Variants in CTNND2 observed in about 807,000 individuals in gnomAD.
The protein encoded by CTNND2 is catenin delta-2.
In CTNND2, 22 loss-of-function variants were observed where a neutral mutation model predicts 144.4. The ratio of observed to expected loss-of-function variants is 0.15; its 90% CI spans 0.11 to 0.22. CTNND2 has a LOEUF of 0.22. Ranked by LOEUF, CTNND2 falls within the 10% of genes least tolerant of loss-of-function variation. The pLI is 1.00. For missense variants in CTNND2, 1,353 were observed against 1,618.8 expected, an observed-to-expected ratio of 0.84 and a Z score of 2.82; for synonymous variants, 751 against 695.6, an observed-to-expected ratio of 1.08 and a Z score of -1.25.
chr5:11,193,012 C>A (rs764061683), intron 11 of CTNND2, among the ~76,000 whole-genome samples: 1 of 152,118 alleles, frequency 6.6e-6, no homozygotes, highest in Non-Finnish European at 1.5e-5. Flanking sequence ...CACCTTTGAA[C>A]AGTGAGAGGA....
At chr5:11,864,209 C>T (rs1795632746) in intron 1 of CTNND2, among the ~76,000 whole-genome samples, 1 of 152,088 alleles carries the variant, frequency 6.6e-6, no homozygotes, top group Non-Finnish European at 1.5e-5. Flanking sequence ...CTTGACCAAC[C>T]TCCGCTGCCT....
intron 1 of CTNND2, among the ~76,000 whole-genome samples, chr5:11,821,676 A>T (rs1793321361): frequency 6.6e-6 from 1 of 152,188 alleles, no homozygotes; most frequent in Admixed American, 6.5e-5. Flanking sequence ...CATGTTCCCC[A>T]CTGTAAATCA....
chr5:11,123,842 G>C (rs1754383778), intron 12 of CTNND2, among the ~76,000 whole-genome samples: 1 of 152,192 alleles, frequency 6.6e-6, no homozygotes, highest in Admixed American at 6.5e-5. Context: ...GAAGCCATGT[G>C]GCTGTCTGCC....
At chr5:11,549,708 G>A (rs919190224) in intron 3 of CTNND2, among the ~76,000 whole-genome samples, 2 of 152,210 alleles carry the variant, frequency 1.3e-5, no homozygotes, top group African/African-American at 4.8e-5. Flanking sequence ...CCCCAAAATT[G>A]TAGGGACCTT....
intron 9 of CTNND2, among the ~76,000 whole-genome samples, chr5:11,319,800 C>T (rs1371700517): frequency 6.6e-6 from 1 of 152,178 alleles, no homozygotes; most frequent in African/African-American, 2.4e-5. Flanking sequence ...GGATTACAGG[C>T]GTGAGCCACT....
At position 11,353,762 on chromosome 5, in the gene CTNND2, C is replaced by T. The variant is rs541336835; in HGVS notation, c.1373-7135G>A. On this transcript the variant is annotated intron_variant, in intron 8 of 21. Transcript: ENST00000304623. ...AGGTTGCAGTGATCCGAGATTGTGC[C>T]GTCGCATTCTGGCCTGGGCGACAAG... Among the ~76,000 whole-genome samples the T allele has an allele frequency of 8.6e-5, 13 of 151,084 alleles. 1 individual carries two copies. Among genetic ancestry groups the T allele is most frequent in the South Asian group, 6.3e-4 (3 of 4,778 alleles).
chr5:11,618,835 A>C (rs1241390592), intron 2 of CTNND2, among the ~76,000 whole-genome samples: 1 of 152,160 alleles, frequency 6.6e-6, no homozygotes, highest in African/African-American at 2.4e-5. Flanking sequence ...ATTTTATATG[A>C]TTTTATCCGA....
At chr5:11,255,778 G>T (rs1270983491) in intron 9 of CTNND2, among the ~76,000 whole-genome samples, 1 of 152,112 alleles carries the variant, frequency 6.6e-6, no homozygotes, top group African/African-American at 2.4e-5. Flanking sequence ...ACGAGAGCTG[G>T]AAACTCACTT....
chr5:11,484,967 C>G (rs1211085805), intron 3 of CTNND2, among the ~76,000 whole-genome samples: 1 of 152,106 alleles, frequency 6.6e-6, no homozygotes, highest in Non-Finnish European at 1.5e-5. Context: ...TTTATTTATA[C>G]CTGATTATAT....
chr5:11,829,237 G>T (rs922169455), intron 1 of CTNND2, among the ~76,000 whole-genome samples: 2 of 152,314 alleles, frequency 1.3e-5, no homozygotes, highest in Non-Finnish European at 2.9e-5. Context: ...TTTCTGAAAA[G>T]AAATCCAAGC....
chr5:11,112,661 A>G (rs1294062084), intron 13 of CTNND2, among the ~76,000 whole-genome samples: 2 of 152,212 alleles, frequency 1.3e-5, no homozygotes, highest in Admixed American at 6.5e-5. Context: ...AATGCTCTTC[A>G]AATGTTCATA....
intron 2 of CTNND2, among the ~76,000 whole-genome samples, chr5:11,698,165 G>T (rs13162684): frequency 6.6e-6 from 1 of 152,098 alleles, no homozygotes. Context: ...AGAAACTGAT[G>T]TAGCCCATTT....
chr5:11,628,266 C>T (rs976504820), intron 2 of CTNND2, among the ~76,000 whole-genome samples: 1 of 152,132 alleles, frequency 6.6e-6, no homozygotes, highest in Non-Finnish European at 1.5e-5. Flanking sequence ...AGGATCAAGA[C>T]ACTGAGGCTT....
chr5:11,578,216 G>T lies in CTNND2; in HGVS notation c.175-13160C>A, dbSNP rs75877778. On this transcript the variant is annotated intron_variant, in intron 2 of 21. Coordinates refer to ENST00000304623, the MANE Select transcript of CTNND2 (RefSeq NM_001332.4). ...GAGGTTACCATAGGGCTGACATCAG[G>T]TAAGAGGGAGTTATTATTAAAATTG... is the stretch of plus-strand genomic sequence containing the variant. Among the ~76,000 whole-genome samples the T allele has an allele frequency of 2.7e-3, 415 of 152,278 alleles. 14 individuals carry two copies. In the East Asian group the frequency reaches 0.056, roughly 20 times the overall value.
chr5:11,606,708 T>C (rs1215062531), intron 2 of CTNND2, among the ~76,000 whole-genome samples: 3 of 152,118 alleles, frequency 2.0e-5, no homozygotes, highest in Non-Finnish European at 4.4e-5. Flanking sequence ...AACATATCAA[T>C]GATGTTTTTA....
intron 12 of CTNND2, among the ~76,000 whole-genome samples, chr5:11,151,755 T>C (rs1284551337): frequency 2.0e-5 from 3 of 152,194 alleles, no homozygotes; most frequent in Non-Finnish European, 4.4e-5. Flanking sequence ...GGGAATAGCA[T>C]GATGGGGGAT....
rs890579656 is a variant in CTNND2, at chr5:11,524,863, TA to T, written c.287+40080del. Among the ~76,000 whole-genome samples, 130 of 150,712 alleles carry T rather than the reference TA, an allele frequency of 8.6e-4. 1 individual carries two copies. The highest frequency in any genetic ancestry group is 2.9e-3 in the African/African-American group (119 of 41,124). ...CTCATCATGCAAAGGAAGCAAACCT[TA>T]AAAAAAAAGACTACAATGTTGTCCT... On this transcript the variant is annotated intron_variant, in intron 3 of 21. Transcript: ENST00000304623.
intron 16 of CTNND2, among the ~76,000 whole-genome samples, chr5:11,030,644 C>T (rs949809881): frequency 1.1e-4 from 17 of 150,580 alleles, no homozygotes; most frequent in African/African-American, 4.1e-4. Context: ...ACATCATGTT[C>T]TTGACTCTCT....
At chr5:11,840,136 A>G (rs1794384297) in intron 1 of CTNND2, among the ~76,000 whole-genome samples, 1 of 152,194 alleles carries the variant, frequency 6.6e-6, no homozygotes, top group Admixed American at 6.5e-5. Flanking sequence ...TGGTCTGCTG[A>G]GTCAAAGAGA....
Sources: gnomAD v4.1 joint callset for allele counts (sites outside exome capture counted in the v4.1 genomes callset) on GRCh38, gnomAD v4.1.1 for gene constraint, MANE v1.5 for transcripts, NCBI Gene and HGNC (gene_info 2026-07-23, HGNC 2026-07-21) for gene names.